AS3MT: variants seen among roughly 807,000 people sequenced by gnomAD.
The protein encoded by AS3MT is arsenite methyltransferase, also known as S-adenosyl-L-methionine:arsenic(III) methyltransferase.
Under a neutral mutation model 45.3 loss-of-function variants are expected in AS3MT, and 47 were observed. That is an observed-to-expected ratio of 1.04 (90% CI 0.82 to 1.32). AS3MT has a LOEUF of 1.32. Among genes scored for constraint, AS3MT ranks in the 40% most tolerant of loss-of-function variants. The pLI is 0.00. For missense variants in AS3MT, 396 were observed against 451.1 expected (o/e 0.88, Z 1.11); for synonymous variants, 141 against 152.8 (o/e 0.92, Z 0.57).
intron 9 of AS3MT, among the ~76,000 whole-genome samples, chr10:102,889,844 T>G (rs1054083907): frequency 1.3e-5 from 2 of 151,596 alleles, no homozygotes; most frequent in Admixed American, 6.6e-5. Context: ...CCCAGCTAAT[T>G]TTTTTGTATT....
Position 102,869,795 on chromosome 10 carries a change from C to T in AS3MT, c.2-10C>T, listed in dbSNP as rs201384299. 5.9e-5 allele frequency: 96 copies of T among 1,614,188 alleles called. No individual in the cohort carries two copies. The highest frequency in any genetic ancestry group is 7.7e-5 in the Non-Finnish European group (91 of 1,180,046). On this transcript the variant is annotated splice_polypyrimidine_tract_variant and intron_variant, in intron 1 of 10. Transcript: ENST00000369880. ...CCTCTCCTTTCAACTAACTTTCCCG[C>T]TCCCGACAGTGGCTGCACTTCGTGA...
At chr10:102,892,977 T>A (rs181824659) in intron 10 of AS3MT, among the ~76,000 whole-genome samples, 1 of 144,250 alleles carries the variant, frequency 6.9e-6, no homozygotes, top group East Asian at 2.0e-4. Flanking sequence ...AGAGTGAGAC[T>A]CTGTCTCAAA....
At chr10:102,878,749 G>A (rs568574162) in intron 8 of AS3MT, 100 bp from the exon 9 acceptor site, 269 of 1,448,338 alleles carry the variant, frequency 1.9e-4, no homozygotes, top group Non-Finnish European at 2.4e-4. Flanking sequence ...GACATGCAAG[G>A]AAGAAAATCA....
chr10:102,874,287 C>T (rs1462858688), intron 5 of AS3MT, among the ~76,000 whole-genome samples: 1 of 151,930 alleles, frequency 6.6e-6, no homozygotes, highest in Non-Finnish European at 1.5e-5. Flanking sequence ...ATGCCTTGTG[C>T]AGTAGGCATC....
chr10:102,869,528 GC>G lies in AS3MT; in HGVS notation c.-64del. 1.5e-6 allele frequency: 2 copies of G among 1,324,994 alleles called. No homozygotes were observed. Among genetic ancestry groups the G allele is most frequent in the South Asian group, 1.4e-5 (1 of 70,330 alleles). The allele number at this position is 1,324,994 out of a possible 1,614,324, so 82.1% of individuals were successfully genotyped here. A position where few individuals can be genotyped will look rare whatever the true frequency, so the allele number is the denominator to read the frequency against. On this transcript the variant is annotated 5_prime_UTR_variant, in exon 1 of 11. Transcript: ENST00000369880. ...GTCGCAGGCCGAGGAGACAGTGAGTGCGCGCCCTGAGTCGCAGGCCGAGGAG... is the reference window on the plus strand; with the variant it reads ...GTCGCAGGCCGAGGAGACAGTGAGTGGCGCCCTGAGTCGCAGGCCGAGGAG...
At chr10:102,869,729 G>T in intron 1 of AS3MT, 76 bp from the exon 2 acceptor site, 9 of 1,611,854 alleles carry the variant, frequency 5.6e-6, no homozygotes, top group Non-Finnish European at 7.6e-6. Context: ...CCCGCTGCCT[G>T]CCCTTTACTG....
chr10:102,874,467 G>T, intron 5 of AS3MT, 125 bp from the exon 6 acceptor site: 1 of 659,530 alleles, frequency 1.5e-6, no homozygotes. Flanking sequence ...AGAAAGAGAG[G>T]AGGGAGGCGG....
intron 10 of AS3MT, among the ~76,000 whole-genome samples, chr10:102,897,086 T>A (rs185812360): frequency 9.1e-4 from 138 of 152,018 alleles, no homozygotes; most frequent in African/African-American, 3.1e-3. Context: ...TCCTAAATAC[T>A]GATTATAAAA....
At chr10:102,881,000 A>T (rs149053625) in intron 9 of AS3MT, among the ~76,000 whole-genome samples, 6,061 of 152,286 alleles carry the variant, frequency 0.04, 175 homozygotes, top group Non-Finnish European at 0.056. Context: ...TTGAAAGCCT[A>T]TATTACTAGT....
At chr10:102,893,312 A>G (rs944447473) in intron 10 of AS3MT, among the ~76,000 whole-genome samples, 1 of 151,744 alleles carries the variant, frequency 6.6e-6, no homozygotes, top group Non-Finnish European at 1.5e-5. Context: ...CTGGCCTAGA[A>G]CTTTCTTTTT....
At position 102,876,992 on chromosome 10, in the gene AS3MT, C is replaced by T. The variant is rs377312367; in HGVS notation, c.567C>T (p.Ser189=). The change falls in exon 7 of 11, where the codon AGC becomes AGT. Residue 189 remains serine (S), a synonymous_variant. Coordinates refer to ENST00000369880, the MANE Select transcript of AS3MT (RefSeq NM_020682.4). Reference sequence around the variant, plus strand: ...TATATTTCAGTGACGTCTATACGAGCCTTGAACTGCCAGAAGAAATCAGGA... The same window carrying T: ...TATATTTCAGTGACGTCTATACGAGTCTTGAACTGCCAGAAGAAATCAGGA... ...GELYFSDVYT[S]LELPEEIRTH... 4.4e-5 allele frequency: 71 copies of T among 1,614,174 alleles called. No homozygotes were observed. In the African/African-American group the frequency reaches 8.5e-4, roughly 19 times the overall value.
intron 10 of AS3MT, among the ~76,000 whole-genome samples, chr10:102,892,568 T>C (rs1845088242): frequency 6.6e-6 from 1 of 152,126 alleles, no homozygotes. Context: ...CTGCTTCTCG[T>C]AGAATGAAAA....
rs533651022 is a variant in AS3MT, at chr10:102,893,885, C to T, written c.1020+3207C>T. Among the ~76,000 whole-genome samples the T allele has an allele frequency of 2.4e-4, 37 of 151,930 alleles. No individual in the cohort carries two copies. The South Asian group carries it at 4.4e-3, about 18-fold the overall frequency. ...CTGATCTTAGGTGACCAACCTGTCT[C>T]GGCCTCCCAAAGTGCTGAGATTACA... On this transcript the variant is annotated intron_variant, in intron 10 of 10. Transcript: ENST00000369880.
intron 10 of AS3MT, 76 bp downstream of exon 10, chr10:102,890,754 A>G: frequency 7.0e-7 from 1 of 1,434,672 alleles, no homozygotes; most frequent in Non-Finnish European, 9.5e-7. Context: ...TCTGTCACCC[A>G]GACTGGAGTG....
intron 5 of AS3MT, among the ~76,000 whole-genome samples, chr10:102,873,967 T>G (rs1844738077): frequency 1.3e-5 from 2 of 152,186 alleles, no homozygotes; most frequent in African/African-American, 4.8e-5. Context: ...AGAAATGCCT[T>G]GTGCCGGCCA....
chr10:102,890,519 T>G (rs1166945045), intron 9 of AS3MT, 25 bp from the exon 10 acceptor site: 1 of 1,554,150 alleles, frequency 6.4e-7, no homozygotes, highest in Non-Finnish European at 8.7e-7. Context: ...CAACTCTTAG[T>G]ATTTTTTTTT....
At chr10:102,900,267 T>G (rs935017137) in intron 10 of AS3MT, among the ~76,000 whole-genome samples, 14 of 152,326 alleles carry the variant, frequency 9.2e-5, no homozygotes, top group East Asian at 3.9e-4. Context: ...AGCATTTCCG[T>G]ATCTCAGTTC....
chr10:102,900,452 T>G, intron 10 of AS3MT, 141 bp from the exon 11 acceptor site: 1 of 596,642 alleles, frequency 1.7e-6, no homozygotes, highest in Non-Finnish European at 3.0e-6. Flanking sequence ...GAATGACTGA[T>G]GTTACTCCCA....
intron 1 of AS3MT, 65 bp from the exon 2 acceptor site, chr10:102,869,740 G>A: frequency 6.2e-7 from 1 of 1,612,426 alleles, no homozygotes; most frequent in Admixed American, 1.7e-5. Context: ...CCCTTTACTG[G>A]CCCCCTCCCT....
Sources: allele counts gnomAD v4.1 joint callset (sites outside exome capture counted in the v4.1 genomes callset), GRCh38; gene constraint gnomAD v4.1.1; transcripts MANE v1.5; gene names NCBI Gene and HGNC (gene_info 2026-07-23, HGNC 2026-07-21).